C4orf51: variants seen among roughly 807,000 people sequenced by gnomAD.
The protein encoded by C4orf51 is chromosome 4 open reading frame 51, also known as uncharacterized protein C4orf51.
A neutral mutation model predicts 25.2 loss-of-function variants in C4orf51; 25 were observed. The ratio of observed to expected loss-of-function variants is 0.99; its 90% CI spans 0.72 to 1.39. C4orf51 has a LOEUF of 1.39. Among genes scored for constraint, C4orf51 ranks in the 40% most tolerant of loss-of-function variants. C4orf51 has a pLI of 0.00. For synonymous variants in C4orf51, 100 were observed against 84.5 expected (o/e 1.18, Z -1.01); for missense variants, 252 against 239.6 (o/e 1.05, Z -0.34).
intron 1 of C4orf51, among the ~76,000 whole-genome samples, chr4:145,768,984 T>C: frequency 7.1e-6 from 1 of 141,306 alleles, no homozygotes; most frequent in Non-Finnish European, 1.5e-5. Context: ...ATTATTGGTG[T>C]CATGTTTGTT....
chr4:145,747,904 A>G (rs1560866221), intron 1 of C4orf51, among the ~76,000 whole-genome samples: 2 of 151,998 alleles, frequency 1.3e-5, no homozygotes, highest in Non-Finnish European at 1.5e-5. Flanking sequence ...TGAATTTAGA[A>G]GTATCCCCTT....
the C4orf51 span, among the ~76,000 whole-genome samples, chr4:145,789,565 C>G: frequency 2.8e-4 from 42 of 152,262 alleles, no homozygotes; most frequent in East Asian, 6.0e-3. Flanking sequence ...CACAACAAAA[C>G]AAAAGCAAAA....
chr4:145,700,323 A>G (rs1048138272), intron 2 of C4orf51, among the ~76,000 whole-genome samples: 1 of 151,524 alleles, frequency 6.6e-6, no homozygotes, highest in African/African-American at 2.4e-5. Context: ...GAACCCCCAA[A>G]TCCCTTCCCT....
At chr4:145,705,891 T>C (rs1730777347) in intron 2 of C4orf51, among the ~76,000 whole-genome samples, 1 of 152,216 alleles carries the variant, frequency 6.6e-6, no homozygotes, top group African/African-American at 2.4e-5. Flanking sequence ...TATGCTCAGG[T>C]AGCTGGTGGC....
chr4:145,691,502 T>C (rs1433469936), intron 1 of C4orf51, among the ~76,000 whole-genome samples: 1 of 152,224 alleles, frequency 6.6e-6, no homozygotes, highest in Non-Finnish European at 1.5e-5. Context: ...CATATGTTCA[T>C]TGCAGCACTA....
At chr4:145,743,591 A>T (rs1221391801) in intron 1 of C4orf51, among the ~76,000 whole-genome samples, 1 of 152,228 alleles carries the variant, frequency 6.6e-6, no homozygotes, top group South Asian at 2.1e-4. Context: ...ACTTTGGGAG[A>T]TTCAAACCAT....
At chr4:145,748,658 T>C (rs1733510730) in intron 1 of C4orf51, among the ~76,000 whole-genome samples, 1 of 152,162 alleles carries the variant, frequency 6.6e-6, no homozygotes, top group African/African-American at 2.4e-5. Flanking sequence ...CAGAAACATA[T>C]TGTTTGATTT....
At chr4:145,778,706 TTTTC>T in the C4orf51 span, among the ~76,000 whole-genome samples, 1 of 152,244 alleles carries the variant, frequency 6.6e-6, no homozygotes, top group Non-Finnish European at 1.5e-5. Context: ...TATTTTGAAC[TTTTC>T]TTTATCATTT....
At position 145,726,830 on chromosome 4, in the gene C4orf51, G is replaced by T. The variant is rs1732088275; in HGVS notation, c.308-81G>T. On this transcript the variant is annotated intron_variant, in intron 2 of 5. Coordinates refer to ENST00000438731, the MANE Select transcript of C4orf51 (RefSeq NM_001080531.3). ...GCAATTGAAGTGTGTACAATTTGTG[G>T]TAATAGCCTAATTGGAAGTGTAAGG... 2.6e-6 allele frequency: 3 copies of T among 1,139,476 alleles called. No homozygotes were observed. In the East Asian group the frequency reaches 7.1e-5, roughly 27 times the overall value. The allele number at this position is 1,139,476 out of a possible 1,614,324, so 70.6% of individuals were successfully genotyped here.
the C4orf51 span, among the ~76,000 whole-genome samples, chr4:145,792,334 A>G: frequency 2.0e-5 from 3 of 152,086 alleles, no homozygotes; most frequent in Non-Finnish European, 4.4e-5. Flanking sequence ...CTGAATTTGT[A>G]TATGAAAGTC....
At chr4:145,702,919 C>T (rs1054655311) in intron 2 of C4orf51, among the ~76,000 whole-genome samples, 66 of 151,854 alleles carry the variant, frequency 4.3e-4, no homozygotes, top group Middle Eastern at 3.4e-3. Flanking sequence ...GTTCCCACGC[C>T]GCCCCTAATC....
At chr4:145,706,808 ATT>A (rs34336553) in intron 2 of C4orf51, among the ~76,000 whole-genome samples, 15 of 118,648 alleles carry the variant, frequency 1.3e-4, no homozygotes, top group Non-Finnish European at 1.2e-4. Context: ...TGCCCGGCTA[ATT>A]TTTTTTTTTT....
At position 145,761,997 on chromosome 4, in the gene C4orf51, T is replaced by C. The variant is rs1365581165; in HGVS notation, n.167-8991T>C. 6.7e-6 allele frequency among the ~76,000 whole-genome samples: 1 copy of C among 149,336 alleles called. No individual in the cohort carries two copies. Among genetic ancestry groups the C allele is most frequent in the East Asian group, 2.0e-4 (1 of 4,992 alleles). On this transcript the variant is annotated intron_variant and non_coding_transcript_variant, in intron 1 of 1. Coordinates refer to the C4orf51 transcript ENST00000510096. This position sits in a 1 kb window ranked among gnomAD's most constrained non-coding sequence, Gnocchi z 6.8. ...GAGGTCTAAACCTCCTGACCTCCCC[T>C]CTAGATGGGAGCAACACAAAGAATC...
intron 1 of C4orf51, among the ~76,000 whole-genome samples, chr4:145,745,540 A>G (rs1733328334): frequency 6.6e-6 from 1 of 152,216 alleles, no homozygotes; most frequent in South Asian, 2.1e-4. Flanking sequence ...ATGCTGTTGC[A>G]AATGATTGGA....
intron 1 of C4orf51, among the ~76,000 whole-genome samples, chr4:145,768,888 AAAATATATATATATATATATATAT>A (rs1579097714): frequency 8.0e-5 from 1 of 12,552 alleles, no homozygotes; most frequent in East Asian, 3.0e-3. Context: ...AAAAAAAAAA[AAAATATATATATATATATATATAT>A]ATATTAGGTA....
At chr4:145,709,320 G>C (rs1731006781) in intron 2 of C4orf51, among the ~76,000 whole-genome samples, 1 of 152,216 alleles carries the variant, frequency 6.6e-6, no homozygotes, top group African/African-American at 2.4e-5. Flanking sequence ...TACCCCTAGA[G>C]CATAACAGGA....
intron 2 of C4orf51, among the ~76,000 whole-genome samples, chr4:145,709,854 C>T (rs1384230944): frequency 6.6e-6 from 1 of 152,186 alleles, no homozygotes; most frequent in Non-Finnish European, 1.5e-5. Context: ...CTACAAGCTA[C>T]CTGCCAGGGT....
intron 1 of C4orf51, among the ~76,000 whole-genome samples, chr4:145,694,663 C>T (rs181410230): frequency 0.079 from 9,445 of 118,978 alleles, 597 homozygotes; most frequent in South Asian, 0.11. Context: ...GTCAGCCCTC[C>T]GCCCGGCCAG....
In C4orf51 at chr4:145,680,344, A is replaced by G. The variant is rs756454940; in HGVS notation, c.141A>G (p.Thr47=). Residue 47 remains threonine, a synonymous_variant, in exon 1 of 6, where the codon ACA becomes ACG. Coordinates refer to ENST00000438731, the MANE Select transcript of C4orf51 (RefSeq NM_001080531.3). ...GATGGTCAGATTCTTCCGTGACAACATACACAGGCAGTTACCGGAAAAAAC... is the reference window on the plus strand; with the variant it reads ...GATGGTCAGATTCTTCCGTGACAACGTACACAGGCAGTTACCGGAAAAAAC... The part of the protein sequence containing the change: ...ETRWSDSSVT[T]YTGSYRKKQL... 99 of 1,613,888 alleles carry G rather than the reference A, an allele frequency of 6.1e-5. No individual in the cohort carries two copies. Among genetic ancestry groups the G allele is most frequent in the Non-Finnish European group, 8.1e-5 (96 of 1,179,878 alleles).
Sources: allele counts gnomAD v4.1 joint callset (sites outside exome capture counted in the v4.1 genomes callset), GRCh38; gene constraint gnomAD v4.1.1; non-coding constraint Gnocchi (gnomAD v3.1); transcripts MANE v1.5; gene names NCBI Gene and HGNC (gene_info 2026-07-23, HGNC 2026-07-21).